The following RBL2 variants were observed in gnomAD, a reference collection of about 807,000 sequenced individuals.
RBL2 encodes retinoblastoma-like protein 2.
RBL2 carries 56 observed loss-of-function variants against 126.0 expected under a neutral mutation model. The ratio of observed to expected loss-of-function variants is 0.44; its 90% confidence interval spans 0.36 to 0.56. The LOEUF is 0.56. RBL2 is among the 20% of genes least tolerant of loss of function. The probability of loss-of-function intolerance (pLI) is 0.00; values close to 1 mark genes in which losing one functional copy is unlikely to be tolerated. For synonymous variants in RBL2, 454 were observed against 478.5 expected, an observed-to-expected ratio of 0.95 and a Z score of 0.67; for missense variants, 1,229 against 1,398.2, an observed-to-expected ratio of 0.88 and a Z score of 1.93.
chr16:53,452,914 C>G (rs2153141213), intron 5 of RBL2, among the ~76,000 whole-genome samples: 1 of 152,210 alleles, frequency 6.6e-6, no homozygotes, highest in East Asian at 1.9e-4. Flanking sequence ...AAGCGATGTA[C>G]CCACCTTGGC....
chr16:53,474,301 T>TTTTATTTATTTATTTATTTA (rs58302976), intron 17 of RBL2, among the ~76,000 whole-genome samples: 2 of 149,812 alleles, frequency 1.3e-5, no homozygotes, highest in South Asian at 2.1e-4. Context: ...GCTGTAATTC[T>TTTTATTTATTTATTTATTTA]TTTATTTATT....
chr16:53,442,802 C>T lies in RBL2; in HGVS notation c.516C>T (p.Asp172=). The T allele has an allele frequency of 1.2e-6, 2 of 1,613,506 alleles. No homozygotes were observed. The highest frequency in any genetic ancestry group is 1.7e-6 in the Non-Finnish European group (2 of 1,179,568). Residue 172 remains aspartate (D), a synonymous_variant, in exon 3 of 22, where the codon GAC becomes GAT. Transcript: ENST00000262133. ...IFKKYEPIFQ[D]IFKYPQEEQP... is the part of the protein sequence containing the mutation. Reference sequence around the variant, plus strand: ...AGAAATATGAACCCATTTTTCAGGACATCTTTAAATACCCTCAAGAGGAGC... The same window carrying T: ...AGAAATATGAACCCATTTTTCAGGATATCTTTAAATACCCTCAAGAGGAGC...
In RBL2 at chr16:53,455,479, G is replaced by C. The variant is rs57145120; in HGVS notation, c.1179+637G>C. On this transcript the variant is annotated intron_variant, in intron 8 of 21. Coordinates refer to ENST00000262133, the MANE Select transcript of RBL2 (RefSeq NM_005611.4). ...ATTCCTAAAGCATTTTATATGTCAGGTTGTGTCCTGGACACTGGAGATAAA... is the reference window on the plus strand; with the variant it reads ...ATTCCTAAAGCATTTTATATGTCAGCTTGTGTCCTGGACACTGGAGATAAA... Among the ~76,000 whole-genome samples, 984 of 152,330 alleles carry C rather than the reference G, an allele frequency of 6.5e-3. 9 individuals are homozygous for C. The highest frequency in any genetic ancestry group is 0.022 in the African/African-American group (915 of 41,578).
At position 53,452,145 on chromosome 16, in the gene RBL2, A is replaced by G. The variant is rs373789581; in HGVS notation, c.766+314A>G. On this transcript the variant is annotated intron_variant, in intron 5 of 21. Coordinates refer to ENST00000262133, the MANE Select transcript of RBL2 (RefSeq NM_005611.4). ...CCGATGATGTTTTTCTACATTGGCA[A>G]ACTTTGTGCCTGACACATTGTAGGA... 5.4e-4 allele frequency among the ~76,000 whole-genome samples: 83 copies of G among 152,340 alleles called. 1 individual carries two copies. In the South Asian group the frequency reaches 0.016, roughly 30 times the overall value.
chr16:53,436,565 G>A (rs1567723642), intron 1 of RBL2, among the ~76,000 whole-genome samples: 1 of 152,174 alleles, frequency 6.6e-6, no homozygotes, highest in Non-Finnish European at 1.5e-5. Context: ...CTTACAGTGA[G>A]GTACGCTGTG....
Position 53,451,756 on chromosome 16 carries a change from T to C in RBL2, c.691T>C (p.Cys231Arg). The C allele has an allele frequency of 6.2e-7, 1 of 1,613,654 alleles. No individual in the cohort carries two copies. Among genetic ancestry groups the C allele is most frequent in the Non-Finnish European group, 8.5e-7 (1 of 1,179,550 alleles). Residue 231 changes from cysteine (C) to arginine (R), a missense_variant, in exon 5 of 22, where the codon TGT (cysteine) becomes CGT (arginine). Physicochemically the swap from Cys to Arg is radical, Grantham distance 180. Coordinates refer to ENST00000262133, the MANE Select transcript of RBL2 (RefSeq NM_005611.4). ...DLVNSYHLLLCALDLVYGNAL... is the reference protein window; with the variant it reads ...DLVNSYHLLLRALDLVYGNAL... ...GGTCAATTCTTATCACCTGCTGCTG[T>C]GTGCTTTGGACTTAGTTTATGGAAA...
intron 13 of RBL2, 69 bp from the exon 14 acceptor site, chr16:53,466,989 A>G (rs1431303335): frequency 9.7e-7 from 1 of 1,035,638 alleles, no homozygotes; most frequent in East Asian, 2.5e-5. Context: ...TCTGCCTTAG[A>G]TTACTATTGT....
At chr16:53,477,408 A>C (rs1230142979) in intron 17 of RBL2, among the ~76,000 whole-genome samples, 1 of 152,042 alleles carries the variant, frequency 6.6e-6, no homozygotes, top group Non-Finnish European at 1.5e-5. Context: ...TGCAATCTCA[A>C]CTCACTGTAA....
At chr16:53,469,198 C>G (rs4783812) in intron 14 of RBL2, among the ~76,000 whole-genome samples, 3,457 of 152,218 alleles carry the variant, frequency 0.023, 100 homozygotes, top group Admixed American at 0.088. Flanking sequence ...CTACTGCACT[C>G]CAGCCTGGGT....
At position 53,481,808 on chromosome 16, in the gene RBL2, C is replaced by T. The variant is rs368670193; in HGVS notation, c.3222C>T (p.Phe1074=). Residue 1074 remains phenylalanine, a synonymous_variant, in exon 21 of 22, where the codon TTC becomes TTT. Transcript: ENST00000262133. ...TGCTTTCTCCTCGAGAAAAGATTTT[C>T]TATTACTTCAGCAACAGTCCTTCAA... ...ETMLSPREKI[F]YYFSNSPSKR... is the part of the protein sequence containing the mutation. 8 of 1,589,790 alleles carry T rather than the reference C, an allele frequency of 5.0e-6. No homozygotes were observed. The Middle Eastern group carries it at 5.0e-4, about 99-fold the overall frequency.
intron 21 of RBL2, chr16:53,488,600 T>C (rs137862970): frequency 6.6e-6 from 1 of 152,292 alleles, no homozygotes; most frequent in Non-Finnish European, 1.5e-5. Context: ...AAGCAAGAAG[T>C]AGCTTATGTC....
rs1402305672 is a variant in RBL2 at position 53,490,110 on chromosome 16, G to GTATC, written c.3250-18_3250-15dup. On this transcript the variant is annotated intron_variant, in intron 21 of 21. Coordinates refer to ENST00000262133, the MANE Select transcript of RBL2 (RefSeq NM_005611.4). Reference sequence around the variant, plus strand: ...TGTGCATTTGCATTTTAAAATTTTTGTATCTTTTTCCCACCATAGAGACTG... The same window carrying GTATC: ...TGTGCATTTGCATTTTAAAATTTTTGTATCTATCTTTTTCCCACCATAGAGACTG... 4 of 1,519,402 alleles carry GTATC rather than the reference G, an allele frequency of 2.6e-6. No homozygotes were observed. Among genetic ancestry groups the GTATC allele is most frequent in the Non-Finnish European group, 3.5e-6 (4 of 1,129,796 alleles). 94.1% of individuals were successfully genotyped at this position (1,519,402 alleles called of 1,614,324 possible).
At chr16:53,454,367 G>A (rs963672940) in intron 7 of RBL2, 1 of 367,178 alleles carries the variant, frequency 2.7e-6, no homozygotes, top group Non-Finnish European at 5.3e-6. Context: ...ACCATGCCCA[G>A]CTAATTTTTG....
In RBL2 at chr16:53,478,911, C is replaced by T. The variant is rs1034222875; in HGVS notation, c.2704-243C>T. 12 of 435,096 alleles carry T rather than the reference C, an allele frequency of 2.8e-5. 1 individual carries two copies. In the Admixed American group the frequency reaches 2.8e-4, roughly 10 times the overall value. The allele number at this position is 435,096 out of a possible 1,614,324, so 27.0% of individuals were successfully genotyped here. On this transcript the variant is annotated intron_variant, in intron 17 of 21. Transcript: ENST00000262133. Reference sequence around the variant, plus strand: ...TGCTGGGATTACAGGTGTGAACCACCGCACCTGGCCTCTAAGTCTTGATTC... The same window carrying T: ...TGCTGGGATTACAGGTGTGAACCACTGCACCTGGCCTCTAAGTCTTGATTC...
intron 2 of RBL2, among the ~76,000 whole-genome samples, chr16:53,441,335 A>G (rs968370379): frequency 1.2e-4 from 18 of 152,282 alleles, no homozygotes; most frequent in Admixed American, 9.2e-4. Flanking sequence ...ATTTGGTGGT[A>G]TCTAGTAATA....
intron 21 of RBL2, among the ~76,000 whole-genome samples, chr16:53,483,289 A>G (rs1961029100): frequency 6.6e-6 from 1 of 152,166 alleles, no homozygotes; most frequent in Non-Finnish European, 1.5e-5. Context: ...GTCCGGGTGC[A>G]GTGCCTCACG....
chr16:53,437,754 G>A (rs1355291253), intron 1 of RBL2, among the ~76,000 whole-genome samples: 1 of 151,858 alleles, frequency 6.6e-6, no homozygotes, highest in Admixed American at 6.6e-5. Flanking sequence ...TAGGCCAGGC[G>A]CAGGGGCTCA....
intron 1 of RBL2, among the ~76,000 whole-genome samples, chr16:53,438,206 T>A (rs2057978099): frequency 2.0e-5 from 3 of 152,066 alleles, no homozygotes. Flanking sequence ...AAATGACTGG[T>A]ACCTCACCTG....
chr16:53,443,674 A>G (rs771182734), intron 3 of RBL2, among the ~76,000 whole-genome samples: 7 of 152,240 alleles, frequency 4.6e-5, no homozygotes, highest in Non-Finnish European at 1.0e-4. Context: ...AATTCTAACA[A>G]TTAGAAAAAT....
Sources: gnomAD v4.1 joint callset for allele counts (sites outside exome capture counted in the v4.1 genomes callset) on GRCh38, gnomAD v4.1.1 for gene constraint, MANE v1.5 for transcripts, NCBI Gene and HGNC (gene_info 2026-07-23, HGNC 2026-07-21) for gene names.